CTNNA3: variants seen among roughly 807,000 people sequenced by gnomAD.
CTNNA3 encodes catenin alpha-3.
A neutral mutation model predicts 95.7 loss-of-function variants in CTNNA3; 76 were observed. The ratio of observed to expected loss-of-function variants is 0.79; its 90% CI spans 0.66 to 0.96. CTNNA3 has a LOEUF of 0.96. Among genes scored for constraint, CTNNA3 ranks in the 40% least tolerant of loss-of-function variants. The pLI is 0.00. For synonymous variants in CTNNA3, 431 were observed against 374.4 expected (o/e 1.15, Z -1.74); for missense variants, 1,191 against 1,089.8 (o/e 1.09, Z -1.31).
intron 13 of CTNNA3, among the ~76,000 whole-genome samples, chr10:66,272,615 G>T (rs1198233212): frequency 6.7e-6 from 1 of 149,908 alleles, no homozygotes; most frequent in Non-Finnish European, 1.5e-5. Context: ...AGAAACTAGT[G>T]AGCTTACCAA....
intron 9 of CTNNA3, among the ~76,000 whole-genome samples, chr10:66,679,227 T>G (rs1451709561): frequency 1.3e-5 from 2 of 152,134 alleles, no homozygotes; most frequent in African/African-American, 2.4e-5. Context: ...TGAGACAGAT[T>G]TGAAGCACAC....
At chr10:66,337,184 T>A (rs2092406602) in intron 12 of CTNNA3, among the ~76,000 whole-genome samples, 1 of 152,148 alleles carries the variant, frequency 6.6e-6, no homozygotes, top group South Asian at 2.1e-4. Flanking sequence ...AACAAATTTT[T>A]AAAAAATATG....
At chr10:67,213,577 T>C (rs1864229460) in intron 6 of CTNNA3, among the ~76,000 whole-genome samples, 2 of 151,838 alleles carry the variant, frequency 1.3e-5, no homozygotes, top group African/African-American at 2.4e-5. Flanking sequence ...CATGTATAGG[T>C]GAGAAATTTC....
intron 7 of CTNNA3, among the ~76,000 whole-genome samples, chr10:66,795,132 G>T (rs1841138046): frequency 6.6e-6 from 1 of 152,110 alleles, no homozygotes; most frequent in African/African-American, 2.4e-5. Flanking sequence ...CATGAATCAT[G>T]AATGTTCTTA....
intron 1 of CTNNA3, among the ~76,000 whole-genome samples, chr10:67,726,880 T>C (rs1159334930): frequency 2.6e-5 from 3 of 114,056 alleles, no homozygotes; most frequent in Middle Eastern, 0.012. Context: ...ATATATTATA[T>C]ATAATGATAC....
chr10:67,099,228 T>C (rs1260086547), intron 7 of CTNNA3: 3 of 151,832 alleles, frequency 2.0e-5, no homozygotes, highest in African/African-American at 7.2e-5. Flanking sequence ...CCTGAGTCTT[T>C]AGAAGCTGAA....
chr10:66,561,379 A>G (rs2132134933), intron 10 of CTNNA3, among the ~76,000 whole-genome samples: 1 of 152,254 alleles, frequency 6.6e-6, no homozygotes, highest in East Asian at 1.9e-4. Context: ...CGTGTGCCAG[A>G]CACTATACTT....
At chr10:66,527,217 A>G (rs1273113157) in intron 10 of CTNNA3, among the ~76,000 whole-genome samples, 1 of 152,162 alleles carries the variant, frequency 6.6e-6, no homozygotes, top group Non-Finnish European at 1.5e-5. Flanking sequence ...CTTGTCAAAA[A>G]TCATTTGACT....
chr10:67,603,937 A>T (rs770223202), intron 3 of CTNNA3, among the ~76,000 whole-genome samples: 6 of 152,204 alleles, frequency 3.9e-5, no homozygotes, highest in Non-Finnish European at 7.4e-5. Context: ...AGTTCCATTC[A>T]TGGTATGTGC....
rs372258059 is a variant in CTNNA3 at position 66,520,726 on chromosome 10, C to T, written c.1422G>A (p.Ala474=). The T allele has an allele frequency of 4.9e-5, 79 of 1,612,490 alleles. No individual in the cohort carries two copies. In the Admixed American group the frequency reaches 8.5e-4, roughly 17 times the overall value. Residue 474 remains alanine (A), a synonymous_variant, in exon 11 of 18, where the codon GCG becomes GCA. Transcript: ENST00000433211. The stretch of plus-strand genomic sequence containing the variant: ...TGTACATTTCCATGGTGTTTTTGAC[C>T]GCTTGACTTTTGGGTCTTGCAGCCA... ...LALAARPKSQ[A]VKNTMEMYKR... is the part of the protein sequence containing the mutation.
At chr10:67,338,921 G>A in intron 5 of CTNNA3, among the ~76,000 whole-genome samples, 1 of 152,184 alleles carries the variant, frequency 6.6e-6, no homozygotes, top group East Asian at 1.9e-4. Context: ...TACAGCATGA[G>A]ATAAGAGTCA....
At chr10:67,530,439 T>C (rs566326160) in intron 4 of CTNNA3, among the ~76,000 whole-genome samples, 3 of 152,342 alleles carry the variant, frequency 2.0e-5, no homozygotes, top group African/African-American at 2.4e-5. Context: ...GTGACTCTTG[T>C]TATGTTTTAG....
At chr10:67,597,981 C>T (rs73268163) in intron 3 of CTNNA3, among the ~76,000 whole-genome samples, 2 of 152,208 alleles carry the variant, frequency 1.3e-5, no homozygotes, top group African/African-American at 2.4e-5. Context: ...ATCAGCTGGG[C>T]GTCTGAGGCT....
At chr10:67,419,325 T>C (rs1329756392) in intron 5 of CTNNA3, among the ~76,000 whole-genome samples, 1 of 151,944 alleles carries the variant, frequency 6.6e-6, no homozygotes, top group Non-Finnish European at 1.5e-5. Context: ...CAAAAGGATA[T>C]TTTTTCTTCC....
intron 13 of CTNNA3, among the ~76,000 whole-genome samples, chr10:66,253,203 A>G (rs768539444): frequency 4.6e-5 from 7 of 152,206 alleles, no homozygotes; most frequent in Admixed American, 1.3e-4. Flanking sequence ...GCAATCCATC[A>G]TCATAGCTGG....
intron 1 of CTNNA3, among the ~76,000 whole-genome samples, chr10:67,737,791 TTTTACA>T (rs1841311088): frequency 6.6e-6 from 1 of 152,170 alleles, no homozygotes; most frequent in East Asian, 1.9e-4. Context: ...ATAGGAACAC[TTTTACA>T]CTGTTGGTGG....
chr10:67,336,232 T>C (rs1385126390), intron 5 of CTNNA3, among the ~76,000 whole-genome samples: 1 of 152,142 alleles, frequency 6.6e-6, no homozygotes, highest in African/African-American at 2.4e-5. Context: ...ATTAGGCCAA[T>C]TAATAATCCT....
chr10:67,135,976 A>C (rs531711452), intron 7 of CTNNA3, among the ~76,000 whole-genome samples: 77 of 152,336 alleles, frequency 5.1e-4, no homozygotes, highest in African/African-American at 1.8e-3. Flanking sequence ...AAGTTCACAT[A>C]ATGGTTATAG....
intron 5 of CTNNA3, among the ~76,000 whole-genome samples, chr10:67,349,113 A>G (rs566504470): frequency 1.3e-5 from 2 of 152,322 alleles, no homozygotes; most frequent in Admixed American, 1.3e-4. Context: ...GTGGAAATGC[A>G]AAATGGTATG....
Sources: gnomAD v4.1 joint callset for allele counts (sites outside exome capture counted in the v4.1 genomes callset) on GRCh38, gnomAD v4.1.1 for gene constraint, MANE v1.5 for transcripts, NCBI Gene and HGNC (gene_info 2026-07-23, HGNC 2026-07-21) for gene names.